NAV3: variants seen among roughly 807,000 people sequenced by gnomAD.
The protein encoded by NAV3 is pore membrane and/or filament interacting like protein 1.
A neutral mutation model predicts 244.7 loss-of-function variants in NAV3; 87 were observed. That is an observed-to-expected ratio of 0.36 (90% CI 0.30 to 0.42). The LOEUF (loss-of-function observed/expected upper bound fraction) is 0.42, where lower values mean the gene tolerates loss of function less well. NAV3 is among the 20% of genes least tolerant of loss of function. The pLI is 1.00. For synonymous variants in NAV3, 1,126 were observed against 1,042.2 expected (o/e 1.08, Z -1.55); for missense variants, 2,663 against 2,893.3 (o/e 0.92, Z 1.83).
At position 78,175,341 on chromosome 12, in the gene NAV3, G is replaced by C. The variant is rs1403726569; in HGVS notation, c.5017G>C (p.Val1673Leu). The C allele has an allele frequency of 6.2e-7, 1 of 1,611,478 alleles. No individual in the cohort carries two copies. ...RIRRQHSSESVSSINSATSHS... is the reference protein window; with the variant it reads ...RIRRQHSSESLSSINSATSHS... Reference sequence around the variant, plus strand: ...CAGAAGACAGCATTCCTCTGAAAGTGTTTCTAGTATCAACAGTGCCACAAG... The same window carrying C: ...CAGAAGACAGCATTCCTCTGAAAGTCTTTCTAGTATCAACAGTGCCACAAG... Residue 1673 changes from valine (V) to leucine (L), a missense_variant, in exon 25 of 40, where the codon GTT (valine) becomes CTT (leucine). Val to Leu is a conservative substitution (Grantham distance 32). Coordinates refer to ENST00000397909, the MANE Select transcript of NAV3 (RefSeq NM_001024383.2).
At chr12:78,045,378 C>G (rs1881607391) in intron 9 of NAV3, among the ~76,000 whole-genome samples, 1 of 152,156 alleles carries the variant, frequency 6.6e-6, no homozygotes, top group Non-Finnish European at 1.5e-5. Context: ...TCACTGCAAC[C>G]TCCGCCTCCT....
At chr12:77,870,176 G>A (rs1305811563) in intron 1 of NAV3, among the ~76,000 whole-genome samples, 1 of 151,906 alleles carries the variant, frequency 6.6e-6, no homozygotes, top group Non-Finnish European at 1.5e-5. Flanking sequence ...ACCATCCTGG[G>A]CAACATGGTG....
At chr12:77,647,531 A>C (rs1327303748) in intron 2 of NAV3, among the ~76,000 whole-genome samples, 1 of 151,542 alleles carries the variant, frequency 6.6e-6, no homozygotes, top group African/African-American at 2.4e-5. Flanking sequence ...TGAGATTAGG[A>C]CTTGAGATAT....
intron 1 of NAV3, among the ~76,000 whole-genome samples, chr12:77,874,132 T>C (rs1881494170): frequency 6.6e-6 from 1 of 152,054 alleles, no homozygotes; most frequent in Admixed American, 6.6e-5. Flanking sequence ...AAAAATTGTC[T>C]TCAGTGAAAC....
chr12:77,866,280 T>C (rs1403513469), intron 1 of NAV3, among the ~76,000 whole-genome samples: 1 of 152,236 alleles, frequency 6.6e-6, no homozygotes, highest in Admixed American at 6.5e-5. Context: ...TGAAAGTGAA[T>C]ACATTAGTCT....
chr12:77,988,565 T>C (rs1870934595), intron 5 of NAV3, among the ~76,000 whole-genome samples: 1 of 152,192 alleles, frequency 6.6e-6, no homozygotes, highest in African/African-American at 2.4e-5. Flanking sequence ...ACTAGAAAGA[T>C]GATCACATAC....
intron 1 of NAV3, among the ~76,000 whole-genome samples, chr12:77,842,847 G>C (rs1875925215): frequency 6.6e-6 from 1 of 152,040 alleles, no homozygotes; most frequent in Non-Finnish European, 1.5e-5. Flanking sequence ...ATTTAGTTGT[G>C]GTATAAGACT....
intron 2 of NAV3, among the ~76,000 whole-genome samples, chr12:77,787,623 C>T (rs1386298816): frequency 2.0e-5 from 3 of 152,158 alleles, no homozygotes; most frequent in Non-Finnish European, 4.4e-5. Context: ...ATCATGAGAA[C>T]AGCAGCGAGG....
chr12:77,645,412 G>C (rs1477774834), intron 2 of NAV3, among the ~76,000 whole-genome samples: 1 of 145,492 alleles, frequency 6.9e-6, no homozygotes, highest in Non-Finnish European at 1.5e-5. Context: ...TTCAAAGACA[G>C]TGTAAGAGGG....
At chr12:78,115,775 C>T (rs1197670694) in intron 12 of NAV3, among the ~76,000 whole-genome samples, 1 of 152,096 alleles carries the variant, frequency 6.6e-6, no homozygotes, top group East Asian at 1.9e-4. Flanking sequence ...TGCTGTACAC[C>T]TAGGAGCAAC....
chr12:77,585,085 C>T (rs1322965369), intron 2 of NAV3, among the ~76,000 whole-genome samples: 2 of 152,160 alleles, frequency 1.3e-5, no homozygotes, highest in East Asian at 1.9e-4. Flanking sequence ...TTTTTGCTGG[C>T]AGATGGTGCT....
chr12:77,611,048 AC>A (rs1870890930), intron 2 of NAV3, among the ~76,000 whole-genome samples: 1 of 151,736 alleles, frequency 6.6e-6, no homozygotes, highest in South Asian at 2.1e-4. Flanking sequence ...CTTAATAGTT[AC>A]ATTTATGTTT....
intron 2 of NAV3, among the ~76,000 whole-genome samples, chr12:77,691,670 G>A (rs1056194852): frequency 4.0e-5 from 6 of 151,476 alleles, no homozygotes; most frequent in South Asian, 4.2e-4. Flanking sequence ...CACAAATGGT[G>A]TACCTTTATT....
chr12:77,834,421 CAT>C (rs1213057925), intron 1 of NAV3, among the ~76,000 whole-genome samples: 8 of 152,128 alleles, frequency 5.3e-5, no homozygotes, highest in African/African-American at 1.2e-4. Flanking sequence ...AGCAGGGAAA[CAT>C]AAATTATCAA....
chr12:77,697,214 C>T (rs1875345836), intron 2 of NAV3, among the ~76,000 whole-genome samples: 2 of 152,104 alleles, frequency 1.3e-5, no homozygotes, highest in Admixed American at 1.3e-4. Flanking sequence ...CTCTCCCAGC[C>T]CTACCTTGGC....
Position 78,137,365 on chromosome 12 carries a change from G to T in NAV3, c.4630G>T (p.Val1544Phe), listed in dbSNP as rs375342186. The T allele has an allele frequency of 1.2e-6, 2 of 1,607,612 alleles. No individual in the cohort carries two copies. Among genetic ancestry groups the T allele is most frequent in the Non-Finnish European group, 1.7e-6 (2 of 1,178,014 alleles). Residue 1544 changes from valine (V) to phenylalanine (F), a missense_variant and splice_region_variant, in exon 19 of 40, where the codon GTT becomes TTT. Val to Phe is a conservative substitution (Grantham distance 50, BLOSUM62 -1). Around this residue, in one of 6 missense-constraint regions of NAV3, gnomAD observed 354 missense variants for 413.0 expected, o/e 0.86. Transcript: ENST00000397909. ...CTCATTCAGAGACAGCATGGAAGAA[G>T]GTAAGCGTTGAGGGGGATTAAAGAT... ...SGSFRDSMEE[V>F]HGSSLSLVSS... is the part of the protein sequence containing the mutation.
intron 9 of NAV3, among the ~76,000 whole-genome samples, chr12:78,023,721 A>G (rs955565622): frequency 3.3e-5 from 5 of 152,252 alleles, no homozygotes; most frequent in Non-Finnish European, 4.4e-5. Flanking sequence ...AGAAATTTAG[A>G]TGAGGAAATA....
chr12:78,027,190 C>G (rs1209076598), intron 9 of NAV3, among the ~76,000 whole-genome samples: 2 of 151,874 alleles, frequency 1.3e-5, no homozygotes, highest in East Asian at 3.9e-4. Context: ...AATAGCAGCA[C>G]TTTAGGAGAC....
At chr12:77,733,464 T>C (rs938798513) in intron 2 of NAV3, among the ~76,000 whole-genome samples, 2 of 151,950 alleles carry the variant, frequency 1.3e-5, no homozygotes, top group African/African-American at 4.8e-5. Flanking sequence ...AGAATATGTG[T>C]GACCTTTATT....
Sources: gnomAD v4.1 joint callset for allele counts (sites outside exome capture counted in the v4.1 genomes callset) on GRCh38, gnomAD v4.1.1 for gene constraint, gnomAD v4.1.1 regional missense constraint, MANE v1.5 for transcripts, NCBI Gene and HGNC (gene_info 2026-07-23, HGNC 2026-07-21) for gene names.